RBFOX1: variants seen among roughly 807,000 people sequenced by gnomAD.
The protein encoded by RBFOX1 is RNA binding fox-1 homolog 1.
A neutral mutation model predicts 57.7 loss-of-function variants in RBFOX1; 8 were observed. That is an observed-to-expected ratio of 0.14 (90% CI 0.08 to 0.25). The LOEUF is 0.25. RBFOX1 is among the 10% of genes least tolerant of loss of function. RBFOX1 has a pLI of 1.00. For synonymous variants in RBFOX1, 326 were observed against 222.4 expected (o/e 1.47, Z -4.15); for missense variants, 611 against 548.5 (o/e 1.11, Z -1.14).
At chr16:5,940,155 G>A (rs1215823985) in intron 4 of RBFOX1, among the ~76,000 whole-genome samples, 1 of 152,190 alleles carries the variant, frequency 6.6e-6, no homozygotes, top group Non-Finnish European at 1.5e-5. Flanking sequence ...GGGAAAAGGA[G>A]GAAGCCTTAA....
intron 2 of RBFOX1, among the ~76,000 whole-genome samples, chr16:6,517,812 G>A (rs575933282): frequency 1.3e-5 from 2 of 152,098 alleles, no homozygotes; most frequent in East Asian, 3.9e-4. Flanking sequence ...TCTTCCATTC[G>A]TTATTTTATT....
Position 6,545,782 on chromosome 16 carries a change from G to C in RBFOX1, c.-63-108821G>C, listed in dbSNP as rs145949726. On this transcript the variant is annotated intron_variant, in intron 2 of 15. Coordinates refer to ENST00000550418, the MANE Select transcript of RBFOX1 (RefSeq NM_018723.4). ...GGCTGATGGCATCTTTGTGAGGAAG[G>C]CATATAGTGGACAGCCTCAAAGCTA... Among the ~76,000 whole-genome samples the C allele has an allele frequency of 4.1e-3, 621 of 152,322 alleles. 1 individual carries two copies. Among genetic ancestry groups the C allele is most frequent in the Admixed American group, 0.015 (235 of 15,300 alleles).
intron 4 of RBFOX1, among the ~76,000 whole-genome samples, chr16:5,997,861 A>G (rs2060518008): frequency 2.0e-5 from 3 of 151,424 alleles, no homozygotes; most frequent in Admixed American, 2.0e-4. Context: ...CTTTTTTTTT[A>G]TTTGCTGATA....
chr16:5,821,138 C>T (rs575708058), intron 3 of RBFOX1, among the ~76,000 whole-genome samples: 4 of 152,264 alleles, frequency 2.6e-5, no homozygotes, highest in South Asian at 4.1e-4. Context: ...AGGACAAAGG[C>T]TCTCTGCTGC....
chr16:7,247,096 G>C (rs1319809750), intron 4 of RBFOX1, among the ~76,000 whole-genome samples: 2 of 152,190 alleles, frequency 1.3e-5, no homozygotes, highest in Non-Finnish European at 2.9e-5. Context: ...ACTCAGTCAT[G>C]TGTCTGCAGG....
chr16:6,661,233 T>G (rs957035104), intron 3 of RBFOX1, among the ~76,000 whole-genome samples: 1 of 152,188 alleles, frequency 6.6e-6, no homozygotes, highest in Non-Finnish European at 1.5e-5. Context: ...CTTACAAGAC[T>G]TGAGTGTTGA....
chr16:6,532,072 C>T (rs1234796056), intron 2 of RBFOX1, among the ~76,000 whole-genome samples: 1 of 152,184 alleles, frequency 6.6e-6, no homozygotes, highest in Non-Finnish European at 1.5e-5. Flanking sequence ...TATCATTCTG[C>T]TCCAGTTCTG....
intron 2 of RBFOX1, among the ~76,000 whole-genome samples, chr16:5,594,334 G>C (rs1487341545): frequency 6.6e-6 from 1 of 152,174 alleles, no homozygotes; most frequent in African/African-American, 2.4e-5. Flanking sequence ...GAATATGTCT[G>C]TGAGCCCCGA....
chr16:5,644,726 C>T (rs2048991515), intron 3 of RBFOX1, among the ~76,000 whole-genome samples: 1 of 152,242 alleles, frequency 6.6e-6, no homozygotes, highest in Non-Finnish European at 1.5e-5. Context: ...CACAAAAAGC[C>T]CAGGTATGGC....
At chr16:7,032,352 C>T (rs1280533803) in intron 3 of RBFOX1, among the ~76,000 whole-genome samples, 1 of 151,778 alleles carries the variant, frequency 6.6e-6, no homozygotes, top group Non-Finnish European at 1.5e-5. Context: ...GGCTGAGGCA[C>T]AAGAATTGCT....
At chr16:5,725,506 T>G (rs888842138) in intron 3 of RBFOX1, among the ~76,000 whole-genome samples, 19 of 151,924 alleles carry the variant, frequency 1.3e-4, no homozygotes, top group Middle Eastern at 3.4e-3. Flanking sequence ...CTCAGGCAAT[T>G]CTCCTACCTT....
intron 2 of RBFOX1, among the ~76,000 whole-genome samples, chr16:6,458,495 A>T (rs1298774094): frequency 1.3e-5 from 2 of 152,238 alleles, no homozygotes; most frequent in East Asian, 3.8e-4. Context: ...CAGGTGCTAA[A>T]TAAGTTGCTT....
At chr16:7,341,200 C>G (rs1003082490) in intron 4 of RBFOX1, among the ~76,000 whole-genome samples, 1 of 152,160 alleles carries the variant, frequency 6.6e-6, no homozygotes, top group African/African-American at 2.4e-5. Context: ...TCACTTGATT[C>G]ACTGCTGAGC....
intron 3 of RBFOX1, among the ~76,000 whole-genome samples, chr16:6,716,640 CCCAGGTATCTG>C (rs1180778425): frequency 6.6e-6 from 1 of 152,170 alleles, no homozygotes; most frequent in African/African-American, 2.4e-5. Context: ...CCCCTTGGAC[CCCAGGTATCTG>C]CCCATGACTC....
intron 5 of RBFOX1, among the ~76,000 whole-genome samples, chr16:7,539,217 AAG>A (rs1170249780): frequency 6.6e-6 from 1 of 152,152 alleles, no homozygotes; most frequent in Non-Finnish European, 1.5e-5. Context: ...TAGGTTGAAA[AAG>A]AGAAGATTAA....
rs965141774 is a variant in RBFOX1, at chr16:7,309,600, C to G, written c.28-208547C>G. 5.9e-5 allele frequency among the ~76,000 whole-genome samples: 9 copies of G among 152,178 alleles called. No homozygotes were observed. In the East Asian group the frequency reaches 9.6e-4, roughly 16 times the overall value. ...TGACCCTTGAGTAATTCTCCAGTAG[C>G]TGATGGACTGAGGGTAGACAGTCTT... On this transcript the variant is annotated intron_variant, in intron 4 of 15. Transcript: ENST00000550418.
intron 3 of RBFOX1, chr16:5,867,293 TA>T (rs2057365499): frequency 5.8e-6 from 7 of 1,199,702 alleles, no homozygotes; most frequent in Non-Finnish European, 7.3e-6. Flanking sequence ...TTTTTTTGTT[TA>T]ACTTGCAGGT....
At chr16:6,118,872 G>A (rs998990242) in intron 1 of RBFOX1, among the ~76,000 whole-genome samples, 2 of 150,896 alleles carry the variant, frequency 1.3e-5, no homozygotes, top group African/African-American at 2.4e-5. Context: ...GCACATGAGG[G>A]CTCTTGTCCC....
rs918711218 is a variant in RBFOX1, at chr16:5,806,900, A to G, written c.319-60403A>G. ...CAAATGCTCTTTCTAAACCTCTCAGAGCCACTTACCGAAGCAGCCAGCCTT... is the reference window on the plus strand; with the variant it reads ...CAAATGCTCTTTCTAAACCTCTCAGGGCCACTTACCGAAGCAGCCAGCCTT... On this transcript the variant is annotated intron_variant, in intron 3 of 19. Coordinates refer to the RBFOX1 transcript ENST00000641259. Among the ~76,000 whole-genome samples, 5 of 152,132 alleles carry G rather than the reference A, an allele frequency of 3.3e-5. No individual in the cohort carries two copies. The East Asian group carries it at 9.7e-4, about 29-fold the overall frequency.
Sources: gnomAD v4.1 joint callset for allele counts (sites outside exome capture counted in the v4.1 genomes callset) on GRCh38, gnomAD v4.1.1 for gene constraint, MANE v1.5 for transcripts, NCBI Gene and HGNC (gene_info 2026-07-23, HGNC 2026-07-21) for gene names.